Variants in ANKRD44 observed in about 807,000 individuals in gnomAD.
ANKRD44 encodes the protein serine/threonine-protein phosphatase 6 regulatory ankyrin repeat subunit B.
ANKRD44 carries 35 observed loss-of-function variants against 116.0 expected under a neutral mutation model. The observed-to-expected ratio is 0.30, with a 90% CI of 0.23 to 0.40. The LOEUF is 0.40. ANKRD44 is among the 10% of genes least tolerant of loss of function. The pLI is 1.00. For synonymous variants in ANKRD44, 435 were observed against 461.8 expected (o/e 0.94, Z 0.74); for missense variants, 1,014 against 1,242.6 (o/e 0.82, Z 2.77).
At chr2:197,023,814 G>C (rs1178408014) in intron 17 of ANKRD44, among the ~76,000 whole-genome samples, 2 of 152,216 alleles carry the variant, frequency 1.3e-5, no homozygotes, top group African/African-American at 4.8e-5. Context: ...CAAGCAACCT[G>C]TACTAAGGGC....
intron 18 of ANKRD44, among the ~76,000 whole-genome samples, chr2:197,012,042 A>G (rs2076310572): frequency 6.6e-6 from 1 of 152,228 alleles, no homozygotes; most frequent in African/African-American, 2.4e-5. Flanking sequence ...CTTGCTCCTC[A>G]TAGTGCTCTG....
intron 2 of ANKRD44, among the ~76,000 whole-genome samples, chr2:197,152,857 T>C (rs2079690228): frequency 2.0e-5 from 3 of 152,104 alleles, no homozygotes; most frequent in Admixed American, 6.6e-5. Context: ...ACCCTGTATA[T>C]GAATATCTTA....
rs1559411202 is a variant in ANKRD44, at chr2:197,005,917, C to T, written c.2131-7G>A. 8.1e-6 allele frequency: 13 copies of T among 1,613,590 alleles called. No individual in the cohort carries two copies. Among genetic ancestry groups the T allele is most frequent in the Non-Finnish European group, 9.3e-6 (11 of 1,179,532 alleles). On this transcript the variant is annotated splice_region_variant and splice_polypyrimidine_tract_variant and intron_variant, in intron 20 of 27. Coordinates refer to ENST00000282272, the MANE Select transcript of ANKRD44 (RefSeq NM_001195144.2). Reference sequence around the variant, plus strand: ...CCTCGTGTCCTGTCATAATCTGATGCATTGTAATTAAAAACACAAAACAAA... The same window carrying T: ...CCTCGTGTCCTGTCATAATCTGATGTATTGTAATTAAAAACACAAAACAAA...
chr2:197,282,008 C>T (rs1451617663), intron 1 of ANKRD44, among the ~76,000 whole-genome samples: 1 of 152,140 alleles, frequency 6.6e-6, no homozygotes, highest in Non-Finnish European at 1.5e-5. Context: ...AATCCCAGCA[C>T]TTTGGGAGGC....
chr2:197,125,123 C>T (rs1195018803), intron 6 of ANKRD44, among the ~76,000 whole-genome samples: 1 of 152,238 alleles, frequency 6.6e-6, no homozygotes, highest in East Asian at 1.9e-4. Context: ...CTTTCCAATC[C>T]AGACTGAAGC....
chr2:197,137,270 A>G (rs2079241744), intron 3 of ANKRD44, among the ~76,000 whole-genome samples: 1 of 152,208 alleles, frequency 6.6e-6, no homozygotes, highest in Non-Finnish European at 1.5e-5. Flanking sequence ...AGGAGGAGAA[A>G]ATATGTGTAT....
intron 1 of ANKRD44, among the ~76,000 whole-genome samples, chr2:197,236,149 C>T (rs543898055): frequency 3.9e-5 from 6 of 152,308 alleles, no homozygotes; most frequent in South Asian, 4.1e-4. Flanking sequence ...GCAGGGCAAA[C>T]AGGCTGCAAG....
rs1473348305 is a variant in ANKRD44 at position 196,975,846 on chromosome 2, AAAG to A, written c.2369-8403_2369-8401del. On this transcript the variant is annotated intron_variant, in intron 21 of 21. Transcript: ENST00000424317. ...GAAAGAAAGAAAGAAAGAAAGAAGG[AAAG>A]AAGGAAAGAAAGAAAAGAGAAAGAA... Among the ~76,000 whole-genome samples the A allele has an allele frequency of 8.4e-4, 127 of 150,642 alleles. 1 individual carries two copies. Among genetic ancestry groups the A allele is most frequent in the African/African-American group, 2.2e-3 (90 of 41,240 alleles).
At chr2:197,131,010 T>C (rs2079082364) in intron 4 of ANKRD44, among the ~76,000 whole-genome samples, 1 of 152,210 alleles carries the variant, frequency 6.6e-6, no homozygotes, top group African/African-American at 2.4e-5. Context: ...GCAGCTTCTC[T>C]AGTCACACTT....
Position 196,967,427 on chromosome 2 carries a change from G to C in ANKRD44, c.*12C>G, listed in dbSNP as rs774218611. 8.5e-6 allele frequency: 4 copies of C among 469,554 alleles called. No homozygotes were observed. The Middle Eastern group carries it at 9.8e-4, about 115-fold the overall frequency. The allele number at this position is 469,554 out of a possible 1,614,324, so 29.1% of individuals were successfully genotyped here. A position where few individuals can be genotyped will look rare whatever the true frequency, so the allele number is the denominator to read the frequency against. ...GTTTTGCAGCCAACCGATGTTCTTG[G>C]ATCTTGAATGGTTAACAGCCTGAGT... On this transcript the variant is annotated 3_prime_UTR_variant, in exon 22 of 22. Coordinates refer to the ANKRD44 transcript ENST00000424317.
chr2:197,250,752 C>T (rs2082297362), intron 1 of ANKRD44: 1 of 152,146 alleles, frequency 6.6e-6, no homozygotes, highest in South Asian at 2.1e-4. Context: ...AAGGTCTACA[C>T]CCAGATAAGT....
At chr2:197,255,021 G>A (rs898648861) in intron 1 of ANKRD44, among the ~76,000 whole-genome samples, 1 of 152,222 alleles carries the variant, frequency 6.6e-6, no homozygotes, top group Non-Finnish European at 1.5e-5. Context: ...CTGAACCAGA[G>A]AAGTATTCAG....
intron 21 of ANKRD44, among the ~76,000 whole-genome samples, chr2:196,978,341 C>T (rs2075774640): frequency 1.3e-5 from 2 of 152,188 alleles, no homozygotes; most frequent in African/African-American, 4.8e-5. Context: ...AAGCAGCTGC[C>T]AGCACCATGC....
At chr2:197,064,608 T>G (rs2077391060) in intron 16 of ANKRD44, among the ~76,000 whole-genome samples, 1 of 151,996 alleles carries the variant, frequency 6.6e-6, no homozygotes, top group South Asian at 2.1e-4. Flanking sequence ...TGGAGGAAGA[T>G]CTACCAAGAA....
chr2:197,211,027 G>A (rs1254906580), intron 1 of ANKRD44, among the ~76,000 whole-genome samples: 1 of 152,158 alleles, frequency 6.6e-6, no homozygotes, highest in Admixed American at 6.5e-5. Context: ...AGAAAAGGCA[G>A]CGGGCCAGGA....
intron 9 of ANKRD44, among the ~76,000 whole-genome samples, chr2:197,102,066 A>C (rs867391029): frequency 6.6e-6 from 1 of 152,096 alleles, no homozygotes; most frequent in African/African-American, 2.4e-5. Context: ...AAAACAAAAA[A>C]CAAAAACAAA....
chr2:196,999,180 C>A (rs1223265345), intron 23 of ANKRD44, 128 bp from the exon 24 acceptor site: 1 of 1,087,090 alleles, frequency 9.2e-7, no homozygotes, highest in Non-Finnish European at 1.3e-6. Context: ...ACATAGTGAT[C>A]AGGTCCCCTC....
chr2:197,018,137 C>T (rs946983793), intron 17 of ANKRD44, among the ~76,000 whole-genome samples: 1 of 152,216 alleles, frequency 6.6e-6, no homozygotes, highest in African/African-American at 2.4e-5. Context: ...GCAAAAGCTT[C>T]CCTTCCTATC....
intron 8 of ANKRD44, 114 bp from the exon 9 acceptor site, chr2:197,110,958 ATTTATTT>A: frequency 1.3e-6 from 1 of 751,726 alleles, no homozygotes; most frequent in Non-Finnish European, 2.3e-6. Flanking sequence ...TCATTTATTT[ATTTATTT>A]TTTAAGTATG....
Sources: allele counts gnomAD v4.1 joint callset (sites outside exome capture counted in the v4.1 genomes callset), GRCh38; gene constraint gnomAD v4.1.1; transcripts MANE v1.5; gene names NCBI Gene and HGNC (gene_info 2026-07-23, HGNC 2026-07-21).